The following C2orf49 variants were observed in gnomAD, a reference collection of about 807,000 sequenced individuals.
The protein encoded by C2orf49 is tRNA-splicing ligase complex subunit ASW.
Under a neutral mutation model 20.6 loss-of-function variants are expected in C2orf49, and 11 were observed. That is an observed-to-expected ratio of 0.53 (90% CI 0.34 to 0.88). The LOEUF (loss-of-function observed/expected upper bound fraction) is 0.88. Among genes scored for constraint, C2orf49 ranks in the 40% least tolerant of loss-of-function variants. The pLI is 0.02. For synonymous variants in C2orf49, 134 were observed against 108.5 expected (o/e 1.24, Z -1.46); for missense variants, 289 against 274.2 (o/e 1.05, Z -0.38).
At chr2:105,358,174 G>A in the C2orf49 span, 3 of 152,178 alleles carry the variant, frequency 2.0e-5, no homozygotes, top group Non-Finnish European at 2.9e-5. Context: ...CTGGTAAGAT[G>A]TCTTATTGTT....
the C2orf49 span, chr2:105,373,466 T>C: frequency 7.1e-7 from 1 of 1,403,712 alleles, no homozygotes; most frequent in East Asian, 2.3e-5. Context: ...CACGAGTGTC[T>C]GGAACCAAGT....
chr2:105,364,076 G>A, the C2orf49 span, among the ~76,000 whole-genome samples: 1 of 152,082 alleles, frequency 6.6e-6, no homozygotes, highest in Non-Finnish European at 1.5e-5. Flanking sequence ...GGCCAACATG[G>A]CGAAACCCCA....
the C2orf49 span, among the ~76,000 whole-genome samples, chr2:105,370,693 T>TA: frequency 9.2e-5 from 14 of 152,286 alleles, no homozygotes; most frequent in Middle Eastern, 6.8e-3. Context: ...CTAACACTTT[T>TA]AAAAATCAAA....
Position 105,347,714 on chromosome 2 carries a change from C to CA in C2orf49, c.*2344dup, listed in dbSNP as rs1679848298. On this transcript the variant is annotated 3_prime_UTR_variant, in exon 4 of 4. Transcript: ENST00000258457. ...AAATGTCTTTCTCCACATAATGAAG[C>CA]ATGCTGAATGCTGGGAATCTGGAGC... The CA allele has an allele frequency of 6.6e-6, 1 of 152,194 alleles. No individual in the cohort carries two copies. The highest frequency in any genetic ancestry group is 6.5e-5 in the Admixed American group (1 of 15,276). 9.4% of individuals were successfully genotyped at this position (152,194 alleles called of 1,614,324 possible).
rs1679828654 is a variant in C2orf49, at chr2:105,346,946, TTA to T, written c.*1579_*1580del. 6.6e-6 allele frequency: 1 copy of T among 152,232 alleles called. No homozygotes were observed. The highest frequency in any genetic ancestry group is 1.5e-5 in the Non-Finnish European group (1 of 68,032). 9.4% of individuals were successfully genotyped at this position (152,232 alleles called of 1,614,324 possible). ...CAAAGGATACTTCATACTTTTTTCG[TTA>T]TATGATTGATCTTCAAATTGGGATT... On this transcript the variant is annotated 3_prime_UTR_variant, in exon 4 of 4. Transcript: ENST00000258457.
In C2orf49 at chr2:105,343,051, A is replaced by C. The variant is rs781045521; in HGVS notation, c.470A>C (p.Asn157Thr). Residue 157 changes from asparagine (N) to threonine (T), a missense_variant, in exon 3 of 4, where the codon AAT becomes ACT. By Grantham distance (65) the Asn-to-Thr change is moderately conservative. Transcript: ENST00000258457. The stretch of plus-strand genomic sequence containing the variant: ...GTTTCACCCCTAATTTTGTCTTCCA[A>C]TTTGCCTGTGAACAATAAAACGGAA... ...SSVSPLILSS[N>T]LPVNNKTEHN... The C allele has an allele frequency of 5.6e-6, 9 of 1,614,104 alleles. No individual in the cohort carries two copies. Among genetic ancestry groups the C allele is most frequent in the Middle Eastern group, 1.6e-4 (1 of 6,084 alleles).
chr2:105,382,340 C>T, the C2orf49 span, among the ~76,000 whole-genome samples: 1 of 152,218 alleles, frequency 6.6e-6, no homozygotes, highest in Non-Finnish European at 1.5e-5. Context: ...CCACATCTGG[C>T]CCGAGAGTCA....
the C2orf49 span, among the ~76,000 whole-genome samples, chr2:105,365,336 G>A: frequency 1.3e-5 from 2 of 152,156 alleles, no homozygotes; most frequent in South Asian, 2.1e-4. Context: ...GCCTGAGAGG[G>A]CCAAGTTCAT....
the C2orf49 span, among the ~76,000 whole-genome samples, chr2:105,364,536 A>AT: frequency 6.6e-6 from 1 of 152,186 alleles, no homozygotes; most frequent in Admixed American, 6.5e-5. Context: ...CAGTACCTCA[A>AT]TTTTACCTGA....
the C2orf49 span, among the ~76,000 whole-genome samples, chr2:105,367,356 T>A: frequency 6.6e-6 from 1 of 152,184 alleles, no homozygotes; most frequent in Non-Finnish European, 1.5e-5. Flanking sequence ...TTAAACGATT[T>A]GATCACAGAG....
chr2:105,349,165 T>C lies in C2orf49; in HGVS notation c.*3794T>C, dbSNP rs1210493933. 1 of 152,214 alleles carries C rather than the reference T, an allele frequency of 6.6e-6. No homozygotes were observed. Among genetic ancestry groups the C allele is most frequent in the Admixed American group, 6.5e-5 (1 of 15,282 alleles). The allele number at this position is 152,214 out of a possible 1,614,324, so 9.4% of individuals were successfully genotyped here. ...AATTTCTAAACTGCTATCTTAATATTATTATATTTGGAGACTGATGCTGTA... is the reference window on the plus strand; with the variant it reads ...AATTTCTAAACTGCTATCTTAATATCATTATATTTGGAGACTGATGCTGTA... On this transcript the variant is annotated 3_prime_UTR_variant, in exon 4 of 4. Coordinates refer to ENST00000258457, the MANE Select transcript of C2orf49 (RefSeq NM_024093.3).
rs574048536 is a variant in C2orf49, at chr2:105,346,856, T to G, written c.*1485T>G. 1 of 152,322 alleles carries G rather than the reference T, an allele frequency of 6.6e-6. No individual in the cohort carries two copies. Among genetic ancestry groups the G allele is most frequent in the East Asian group, 1.9e-4 (1 of 5,182 alleles). 9.4% of individuals were successfully genotyped at this position (152,322 alleles called of 1,614,324 possible). On this transcript the variant is annotated 3_prime_UTR_variant, in exon 4 of 4. Coordinates refer to ENST00000258457, the MANE Select transcript of C2orf49 (RefSeq NM_024093.3). ...TGTATAATGGAAATCAGTGGGAAAA[T>G]AGGGTTTACCTTATATTCATGAGTT...
chr2:105,381,525 G>A, the C2orf49 span, among the ~76,000 whole-genome samples: 6 of 152,208 alleles, frequency 3.9e-5, no homozygotes, highest in East Asian at 5.8e-4. Flanking sequence ...ACTGCTGAGC[G>A]CTGTGCACCT....
chr2:105,376,847 A>T, the C2orf49 span: 1 of 152,252 alleles, frequency 6.6e-6, no homozygotes, highest in Non-Finnish European at 1.5e-5. Context: ...AAGGAAAGGA[A>T]TTCTGACTCA....
chr2:105,354,089 G>A (rs1465939266), downstream of C2orf49, among the ~76,000 whole-genome samples: 1 of 152,180 alleles, frequency 6.6e-6, no homozygotes, highest in African/African-American at 2.4e-5. Context: ...TTCTTTGCTA[G>A]TTTCTAAAGT....
At chr2:105,366,664 G>A in the C2orf49 span, among the ~76,000 whole-genome samples, 1 of 152,236 alleles carries the variant, frequency 6.6e-6, no homozygotes, top group South Asian at 2.1e-4. Context: ...GCTTCCTACA[G>A]ATATGCAGTT....
chr2:105,342,746 T>C (rs1679704014), intron 2 of C2orf49, 102 bp from the exon 3 acceptor site: 6 of 1,205,200 alleles, frequency 5.0e-6, no homozygotes, highest in East Asian at 2.4e-5. Context: ...ATTAGTCTTA[T>C]CAGAAAATCT....
chr2:105,365,999 G>T, the C2orf49 span, among the ~76,000 whole-genome samples: 3 of 152,138 alleles, frequency 2.0e-5, no homozygotes, highest in East Asian at 5.8e-4. Flanking sequence ...GAGGTCAGGA[G>T]TTCCGAGATC....
chr2:105,355,196 A>AAAAAGAAGG, the C2orf49 span, among the ~76,000 whole-genome samples: 2 of 152,182 alleles, frequency 1.3e-5, no homozygotes, highest in African/African-American at 4.8e-5. Context: ...GGGAGGGAAG[A>AAAAAGAAGG]AAAAGAAGGA....
Sources: allele counts gnomAD v4.1 joint callset (sites outside exome capture counted in the v4.1 genomes callset), GRCh38; gene constraint gnomAD v4.1.1; transcripts MANE v1.5; gene names NCBI Gene and HGNC (gene_info 2026-07-23, HGNC 2026-07-21).